Variants in TNRC6A observed in about 807,000 individuals in gnomAD.
The protein encoded by TNRC6A is trinucleotide repeat containing adaptor 6A.
TNRC6A carries 44 observed loss-of-function variants against 221.2 expected under a neutral mutation model. The observed-to-expected ratio is 0.20, with a 90% CI of 0.16 to 0.26. The LOEUF (loss-of-function observed/expected upper bound fraction) is 0.26, where lower values mean the gene tolerates loss of function less well. Among genes scored for constraint, TNRC6A ranks in the 10% least tolerant of loss-of-function variants. The probability of loss-of-function intolerance (pLI) is 1.00; values close to 1 mark genes in which losing one functional copy is unlikely to be tolerated. For missense variants in TNRC6A, 2,199 were observed against 2,404.4 expected (o/e 0.91, Z 1.79); for synonymous variants, 847 against 838.5 (o/e 1.01, Z -0.18).
At chr16:24,750,849 T>G in intron 3 of TNRC6A, 36 bp downstream of exon 3, 1 of 1,411,132 alleles carries the variant, frequency 7.1e-7, no homozygotes, top group Non-Finnish European at 9.3e-7. Context: ...TTAAGCAGTT[T>G]AAACATAGAA....
chr16:24,791,538 C>T lies in TNRC6A; in HGVS notation c.2896C>T (p.Pro966Ser). ...WGIPPATGKP[P>S]GTGWLGGPIP... The stretch of plus-strand genomic sequence containing the variant: ...AATCCCACCAGCTACAGGCAAACCT[C>T]CTGGTACAGGCTGGCTGGGGGGACC... Residue 966 changes from proline to serine, a missense_variant, in exon 6 of 25, where the codon CCT becomes TCT. By Grantham distance (74) the Pro-to-Ser change is moderately conservative (BLOSUM62 -1). Around this residue, in one of 8 missense-constraint regions of TNRC6A, gnomAD observed 1,405 missense variants for 1,400.2 expected, o/e 1.00. Coordinates refer to ENST00000395799, the MANE Select transcript of TNRC6A (RefSeq NM_014494.4). The T allele has an allele frequency of 6.5e-7, 1 of 1,542,944 alleles. No individual in the cohort carries two copies. Among genetic ancestry groups the T allele is most frequent in the Non-Finnish European group, 8.7e-7 (1 of 1,149,656 alleles).
chr16:24,752,152 A>G (rs2151423537), intron 3 of TNRC6A, among the ~76,000 whole-genome samples: 1 of 152,216 alleles, frequency 6.6e-6, no homozygotes, highest in Non-Finnish European at 1.5e-5. Flanking sequence ...AAATTGTGGA[A>G]TTGGTTTAGA....
chr16:24,637,705 G>A (rs1233631022), intron 1 of TNRC6A, among the ~76,000 whole-genome samples: 2 of 152,130 alleles, frequency 1.3e-5, no homozygotes, highest in Non-Finnish European at 2.9e-5. Context: ...ACAATACCAA[G>A]GAATCTCACA....
intron 1 of TNRC6A, among the ~76,000 whole-genome samples, chr16:24,635,085 T>G (rs1213318437): frequency 1.3e-5 from 2 of 151,002 alleles, no homozygotes; most frequent in African/African-American, 4.9e-5. Context: ...TTTCTTTCTT[T>G]CTTTTCTTTC....
chr16:24,785,178 C>G (rs1378314636), intron 5 of TNRC6A, among the ~76,000 whole-genome samples: 1 of 152,208 alleles, frequency 6.6e-6, no homozygotes, highest in Non-Finnish European at 1.5e-5. Flanking sequence ...CAGTGCTGTT[C>G]AACTATTTCC....
At position 24,824,127 on chromosome 16, in the gene TNRC6A, C is replaced by CT. The variant is rs66925397; in HGVS notation, c.*320_*321insT. The CT allele has an allele frequency of 1.5e-4, 4 of 26,650 alleles. No homozygotes were observed. The highest frequency in any genetic ancestry group is 9.6e-4 in the African/African-American group (4 of 4,168). 1.7% of individuals were successfully genotyped at this position (26,650 alleles called of 1,614,324 possible). ...TTTTTTTCCTTCTATTCCTCCCCAA[C>CT]CCCCCCCCCCGCCCCTTTTTTTCTC... On this transcript the variant is annotated 3_prime_UTR_variant, in exon 25 of 25. Transcript: ENST00000395799.
intron 2 of TNRC6A, among the ~76,000 whole-genome samples, chr16:24,691,916 T>C (rs1385794242): frequency 6.6e-6 from 1 of 152,194 alleles, no homozygotes; most frequent in Non-Finnish European, 1.5e-5. Context: ...CCCATCACCC[T>C]TAACTGCTAG....
chr16:24,807,705 T>A (rs2058463723), intron 17 of TNRC6A, among the ~76,000 whole-genome samples: 1 of 151,472 alleles, frequency 6.6e-6, no homozygotes. Flanking sequence ...TTTGAGCTTA[T>A]ATGTTGTTTC....
chr16:24,672,337 C>T (rs1312353834), intron 2 of TNRC6A, among the ~76,000 whole-genome samples: 2 of 152,062 alleles, frequency 1.3e-5, no homozygotes, highest in East Asian at 3.9e-4. Flanking sequence ...ACCGTGTTAG[C>T]CAGGATGGTC....
intron 4 of TNRC6A, among the ~76,000 whole-genome samples, chr16:24,759,951 A>C (rs1567433949): frequency 6.6e-6 from 1 of 151,970 alleles, no homozygotes; most frequent in Admixed American, 6.6e-5. Context: ...CTAAAACTCT[A>C]TTTTCCCCAC....
intron 2 of TNRC6A, among the ~76,000 whole-genome samples, chr16:24,648,859 A>G (rs1410824955): frequency 1.3e-5 from 2 of 152,176 alleles, no homozygotes; most frequent in East Asian, 3.8e-4. Context: ...CCTTATTCTC[A>G]TAAAATTTTT....
intron 17 of TNRC6A, among the ~76,000 whole-genome samples, chr16:24,807,777 C>T (rs1312999118): frequency 1.3e-5 from 2 of 151,856 alleles, no homozygotes; most frequent in Non-Finnish European, 2.9e-5. Flanking sequence ...TTGTTCATGC[C>T]CTGTTTATTT....
intron 2 of TNRC6A, among the ~76,000 whole-genome samples, chr16:24,744,767 C>T (rs970399559): frequency 1.3e-5 from 2 of 152,128 alleles, no homozygotes; most frequent in African/African-American, 4.8e-5. Context: ...TGTCTGTTGT[C>T]CTCTTTTGTG....
chr16:24,684,753 C>T (rs1046749313), intron 2 of TNRC6A, among the ~76,000 whole-genome samples: 2 of 152,094 alleles, frequency 1.3e-5, no homozygotes, highest in African/African-American at 4.8e-5. Flanking sequence ...TTACCGTGAG[C>T]TGTGATCACA....
At chr16:24,781,669 GC>G (rs1308473529) in intron 5 of TNRC6A, among the ~76,000 whole-genome samples, 2 of 152,000 alleles carry the variant, frequency 1.3e-5, no homozygotes, top group African/African-American at 4.8e-5. Context: ...TCTTTGTGTT[GC>G]CCCGTACCAC....
Position 24,798,073 on chromosome 16 carries a change from G to C in TNRC6A, c.3694+107G>C, listed in dbSNP as rs1055967214. ...CGTAGATCAGGACAGGGGAGGCTGTGCTCTCCAATAGACGTACACATGCTG... is the reference window on the plus strand; with the variant it reads ...CGTAGATCAGGACAGGGGAGGCTGTCCTCTCCAATAGACGTACACATGCTG... On this transcript the variant is annotated intron_variant, in intron 11 of 24. Coordinates refer to ENST00000395799, the MANE Select transcript of TNRC6A (RefSeq NM_014494.4). 8.2e-5 allele frequency: 74 copies of C among 907,848 alleles called. No homozygotes were observed. In the African/African-American group the frequency reaches 1.2e-3, roughly 15 times the overall value. The allele number at this position is 907,848 out of a possible 1,614,324, so 56.2% of individuals were successfully genotyped here.
intron 11 of TNRC6A, among the ~76,000 whole-genome samples, chr16:24,800,215 T>G (rs1213497164): frequency 6.6e-6 from 1 of 152,208 alleles, no homozygotes; most frequent in Non-Finnish European, 1.5e-5. Context: ...GGTATAATTG[T>G]GAGAGAAGCC....
At position 24,640,721 on chromosome 16, in the gene TNRC6A, A is replaced by G. The variant is rs1057092534; in HGVS notation, n.277-163A>G. Among the ~76,000 whole-genome samples the G allele has an allele frequency of 7.9e-5, 12 of 152,002 alleles. No individual in the cohort carries two copies. In the South Asian group the frequency reaches 8.3e-4, roughly 11 times the overall value. ...TCTGGCCTGGGCGACAAAAAAAAAA[A>G]AAAGAAAGAAAAAAAAGAAAGGGAT... is the stretch of plus-strand genomic sequence containing the variant. On this transcript the variant is annotated intron_variant and non_coding_transcript_variant, in intron 1 of 2. Transcript: ENST00000566108.
chr16:24,611,953 G>C (rs911172078), intron 1 of TNRC6A, among the ~76,000 whole-genome samples: 1 of 152,054 alleles, frequency 6.6e-6, no homozygotes, highest in Non-Finnish European at 1.5e-5. Flanking sequence ...CAGTAGCCAA[G>C]CATCGTGGTG....
Sources: allele counts gnomAD v4.1 joint callset (sites outside exome capture counted in the v4.1 genomes callset), GRCh38; gene constraint gnomAD v4.1.1; regional missense constraint gnomAD v4.1.1; transcripts MANE v1.5; gene names NCBI Gene and HGNC (gene_info 2026-07-23, HGNC 2026-07-21).